The following ADAM7 variants were observed in gnomAD, a reference collection of about 807,000 sequenced individuals.
The protein encoded by ADAM7 is disintegrin and metalloproteinase domain-containing protein 7.
ADAM7 carries 97 observed loss-of-function variants against 102.9 expected under a neutral mutation model. The observed-to-expected ratio is 0.94, with a 90% CI of 0.80 to 1.12. ADAM7 has a LOEUF of 1.12. Ranked by LOEUF, ADAM7 falls within the 50% of genes most tolerant of loss-of-function variation. The probability of loss-of-function intolerance (pLI) is 0.00; values close to 1 mark genes in which losing one functional copy is unlikely to be tolerated. For missense variants in ADAM7, 991 were observed against 908.7 expected, an observed-to-expected ratio of 1.09 and a Z score of -1.16; for synonymous variants, 334 against 304.4, an observed-to-expected ratio of 1.10 and a Z score of -1.01.
At chr8:24,441,516 T>C (rs1364831084) in intron 1 of ADAM7, among the ~76,000 whole-genome samples, 2 of 152,182 alleles carry the variant, frequency 1.3e-5, no homozygotes, top group Non-Finnish European at 2.9e-5. Context: ...ATCAGAGAAA[T>C]TAAATATGCT....
chr8:24,500,711 A>G lies in ADAM7; in HGVS notation c.2003-79A>G, dbSNP rs948419002. 18 of 1,155,730 alleles carry G rather than the reference A, an allele frequency of 1.6e-5. 1 individual carries two copies. The Admixed American group carries it at 1.7e-4, about 11-fold the overall frequency. 71.6% of individuals were successfully genotyped at this position (1,155,730 alleles called of 1,614,324 possible). On this transcript the variant is annotated intron_variant, in intron 18 of 21. Coordinates refer to ENST00000175238, the MANE Select transcript of ADAM7 (RefSeq NM_003817.4). ...TATAGAAAGGAATAAGGAGCATTGTAACAGCTCCATTAAATGTTAATATTC... is the reference window on the plus strand; with the variant it reads ...TATAGAAAGGAATAAGGAGCATTGTGACAGCTCCATTAAATGTTAATATTC...
At chr8:24,444,434 T>C (rs1818478936) in intron 2 of ADAM7, among the ~76,000 whole-genome samples, 1 of 151,830 alleles carries the variant, frequency 6.6e-6, no homozygotes, top group Non-Finnish European at 1.5e-5. Flanking sequence ...GGAAGTACCA[T>C]ACTGAAGGGG....
chr8:24,471,986 T>C (rs568968294), intron 7 of ADAM7, among the ~76,000 whole-genome samples: 1 of 151,942 alleles, frequency 6.6e-6, no homozygotes, highest in African/African-American at 2.4e-5. Context: ...AAATATATCT[T>C]ATGATTTTAA....
intron 20 of ADAM7, 99 bp from the exon 21 acceptor site, chr8:24,507,381 G>A (rs1038628282): frequency 5.4e-6 from 5 of 921,300 alleles, no homozygotes; most frequent in Non-Finnish European, 8.8e-6. Context: ...GCGTGTGTAT[G>A]TGCTCATGTG....
chr8:24,466,024 C>T (rs1465445917), intron 5 of ADAM7, among the ~76,000 whole-genome samples: 1 of 152,192 alleles, frequency 6.6e-6, no homozygotes, highest in Non-Finnish European at 1.5e-5. Flanking sequence ...TGGAAGATTA[C>T]TGAAAATCAT....
Position 24,447,180 on chromosome 8 carries a change from T to C in ADAM7, c.157-6T>C, listed in dbSNP as rs1818591497. The C allele has an allele frequency of 3.3e-6, 5 of 1,526,874 alleles. No individual in the cohort carries two copies. Among genetic ancestry groups the C allele is most frequent in the Non-Finnish European group, 3.6e-6 (4 of 1,117,720 alleles). 94.6% of individuals were successfully genotyped at this position (1,526,874 alleles called of 1,614,324 possible). A position where few individuals can be genotyped will look rare whatever the true frequency, so the allele number is the denominator to read the frequency against. On this transcript the variant is annotated splice_region_variant and splice_polypyrimidine_tract_variant and intron_variant, in intron 2 of 21. Coordinates refer to ENST00000175238, the MANE Select transcript of ADAM7 (RefSeq NM_003817.4). Reference sequence around the variant, plus strand: ...TTGAAGTCACGTGATGCCTCTTCTTTTTTAGAAAACGTATGAAGAAGAATT... The same window carrying C: ...TTGAAGTCACGTGATGCCTCTTCTTCTTTAGAAAACGTATGAAGAAGAATT...
chr8:24,471,861 G>C (rs546923923), intron 7 of ADAM7, among the ~76,000 whole-genome samples: 1 of 152,006 alleles, frequency 6.6e-6, no homozygotes, highest in Admixed American at 6.6e-5. Context: ...CTGCCTGTTA[G>C]AAGTTAGAAA....
intron 7 of ADAM7, among the ~76,000 whole-genome samples, chr8:24,475,002 T>G (rs1225001003): frequency 6.6e-6 from 1 of 152,156 alleles, no homozygotes. Flanking sequence ...GGAAACCTGT[T>G]GAGAAGTTTA....
chr8:24,447,937 AACACACACACACACACACACAC>A (rs55836403), intron 3 of ADAM7, among the ~76,000 whole-genome samples: 6 of 140,590 alleles, frequency 4.3e-5, no homozygotes, highest in African/African-American at 1.1e-4. Flanking sequence ...TAAATAACAA[AACACACACACACACACACACAC>A]ACACACACAC....
chr8:24,494,416 A>C (rs536148950), intron 16 of ADAM7, among the ~76,000 whole-genome samples: 1 of 152,070 alleles, frequency 6.6e-6, no homozygotes, highest in East Asian at 1.9e-4. Context: ...AAATACCAAA[A>C]GATTTGCTAT....
intron 18 of ADAM7, 62 bp downstream of exon 18, chr8:24,500,318 C>T: frequency 6.7e-7 from 1 of 1,497,770 alleles, no homozygotes; most frequent in Non-Finnish European, 9.2e-7. Context: ...AAAAGTTTTT[C>T]TTATTTTTCA....
Position 24,493,199 on chromosome 8 carries a change from G to A in ADAM7, c.1812G>A (p.Val604=). 1 of 1,608,328 alleles carries A rather than the reference G, an allele frequency of 6.2e-7. No individual in the cohort carries two copies. Among genetic ancestry groups the A allele is most frequent in the Non-Finnish European group, 8.5e-7 (1 of 1,177,926 alleles). Reference sequence around the variant, plus strand: ...ATGATTCTACAGACATTGGCCTGGTGGCGTCAGGAACAAAATGTGGAGAGG... The same window carrying A: ...ATGATTCTACAGACATTGGCCTGGTAGCGTCAGGAACAAAATGTGGAGAGG... The part of the protein sequence containing the change: ...LYHDSTDIGL[V]ASGTKCGEGM... Residue 604 remains valine, a synonymous_variant, in exon 16 of 22, where the codon GTG becomes GTA. Transcript: ENST00000175238.
At chr8:24,446,299 T>C (rs187954830) in intron 2 of ADAM7, among the ~76,000 whole-genome samples, 2 of 152,198 alleles carry the variant, frequency 1.3e-5, no homozygotes, top group Non-Finnish European at 2.9e-5. Flanking sequence ...TTGATGTGAA[T>C]GATCATCCAG....
chr8:24,462,345 A>C (rs925058845), intron 3 of ADAM7, among the ~76,000 whole-genome samples: 3 of 152,172 alleles, frequency 2.0e-5, no homozygotes, highest in Non-Finnish European at 4.4e-5. Flanking sequence ...TACTGTGTAC[A>C]TTCCTGTTAC....
intron 6 of ADAM7, 34 bp from the exon 7 acceptor site, chr8:24,468,733 C>A: frequency 6.3e-7 from 1 of 1,593,116 alleles, no homozygotes; most frequent in Middle Eastern, 1.7e-4. Flanking sequence ...AAAGTGTTAA[C>A]TATACTTCAA....
chr8:24,502,625 T>A (rs13262701), intron 20 of ADAM7, among the ~76,000 whole-genome samples: 48,964 of 151,842 alleles, frequency 0.32, 8,112 homozygotes, highest in South Asian at 0.4. Flanking sequence ...ATTTTAATAG[T>A]TTTGACAGTG....
At chr8:24,476,047 T>C (rs1284502633) in intron 7 of ADAM7, 4 of 441,828 alleles carry the variant, frequency 9.1e-6, no homozygotes, top group Non-Finnish European at 1.8e-5. Context: ...ACTAATAAAG[T>C]TGCTGTTCTT....
chr8:24,445,589 C>G (rs1260752688), intron 2 of ADAM7, among the ~76,000 whole-genome samples: 2 of 152,182 alleles, frequency 1.3e-5, no homozygotes, highest in East Asian at 3.8e-4. Context: ...AAATCATCTG[C>G]ATTCATCAAC....
intron 8 of ADAM7, 40 bp downstream of exon 8, chr8:24,476,544 G>A (rs200192082): frequency 1.8e-4 from 270 of 1,491,348 alleles, no homozygotes; most frequent in African/African-American, 8.3e-5. Flanking sequence ...CCAATAATAC[G>A]AATGCAAAGA....
Sources: allele counts gnomAD v4.1 joint callset (sites outside exome capture counted in the v4.1 genomes callset), GRCh38; gene constraint gnomAD v4.1.1; transcripts MANE v1.5; gene names NCBI Gene and HGNC (gene_info 2026-07-23, HGNC 2026-07-21).